KCNIP4: variants seen among roughly 807,000 people sequenced by gnomAD.
The protein encoded by KCNIP4 is potassium voltage-gated channel interacting protein 4, also known as Kv channel-interacting protein 4.
A neutral mutation model predicts 34.0 loss-of-function variants in KCNIP4; 12 were observed. That is an observed-to-expected ratio of 0.35 (90% confidence interval 0.23 to 0.57). KCNIP4 has a LOEUF of 0.57. Among genes scored for constraint, KCNIP4 ranks in the 20% least tolerant of loss-of-function variants. The pLI, the probability that KCNIP4 is intolerant of heterozygous loss-of-function variation, is 0.83. For synonymous variants in KCNIP4, 124 were observed against 102.2 expected, an observed-to-expected ratio of 1.21 and a Z score of -1.29; for missense variants, 238 against 311.7, an observed-to-expected ratio of 0.76 and a Z score of 1.78.
chr4:21,724,477 C>T lies in KCNIP4; in HGVS notation c.61+224094G>A, dbSNP rs75224224. On this transcript the variant is annotated intron_variant, in intron 1 of 8. Transcript: ENST00000382152. ...ATCATCTAGGAATGTAAGTGAGTTACAACACTAAAGTGCAATATTTCTGCA... is the reference window on the plus strand; with the variant it reads ...ATCATCTAGGAATGTAAGTGAGTTATAACACTAAAGTGCAATATTTCTGCA... Among the ~76,000 whole-genome samples, 1,329 of 151,988 alleles carry T rather than the reference C, an allele frequency of 8.7e-3. 19 individuals carry two copies. Among genetic ancestry groups the T allele is most frequent in the South Asian group, 0.039 (187 of 4,812 alleles).
At chr4:21,314,485 T>C (rs1713521884) in intron 1 of KCNIP4, among the ~76,000 whole-genome samples, 1 of 152,224 alleles carries the variant, frequency 6.6e-6, no homozygotes, top group Non-Finnish European at 1.5e-5. Flanking sequence ...GAATTCTGCC[T>C]ACCACAACAG....
intron 1 of KCNIP4, among the ~76,000 whole-genome samples, chr4:21,249,260 C>T (rs1360719748): frequency 6.6e-6 from 1 of 151,884 alleles, no homozygotes; most frequent in Non-Finnish European, 1.5e-5. Context: ...ATATCAAAAA[C>T]AGGCTTGGGT....
At chr4:21,401,175 C>T (rs993953955) in intron 1 of KCNIP4, among the ~76,000 whole-genome samples, 1 of 152,086 alleles carries the variant, frequency 6.6e-6, no homozygotes, top group African/African-American at 2.4e-5. Flanking sequence ...TCCAAGCTTC[C>T]TCACCTACTA....
intron 1 of KCNIP4, among the ~76,000 whole-genome samples, chr4:21,732,619 G>A (rs1239402161): frequency 2.0e-5 from 3 of 152,164 alleles, no homozygotes; most frequent in African/African-American, 7.2e-5. Context: ...CCCAGAGCCT[G>A]CTCCTAATGA....
intron 5 of KCNIP4, 58 bp downstream of exon 5, chr4:20,749,604 C>A: frequency 8.5e-7 from 1 of 1,181,972 alleles, no homozygotes; most frequent in Non-Finnish European, 1.2e-6. Flanking sequence ...TCACATTTTC[C>A]CCCTAAAAAG....
intron 1 of KCNIP4, among the ~76,000 whole-genome samples, chr4:21,548,577 TA>T (rs199828998): frequency 1.3e-3 from 190 of 145,804 alleles, no homozygotes; most frequent in Non-Finnish European, 1.6e-3. Context: ...CTCTGAAGTC[TA>T]AAAAAAAAAA....
At chr4:21,266,898 A>G (rs191244283) in intron 1 of KCNIP4, among the ~76,000 whole-genome samples, 16 of 152,314 alleles carry the variant, frequency 1.1e-4, no homozygotes, top group Admixed American at 9.8e-4. Flanking sequence ...AGGTAAGGAA[A>G]CATCTTAAGA....
chr4:21,536,725 G>T (rs915155267), intron 1 of KCNIP4, among the ~76,000 whole-genome samples: 1 of 151,702 alleles, frequency 6.6e-6, no homozygotes, highest in Non-Finnish European at 1.5e-5. Flanking sequence ...GGGTTGCAGT[G>T]AGCCGAGATC....
intron 1 of KCNIP4, among the ~76,000 whole-genome samples, chr4:21,024,973 GT>G (rs1293169233): frequency 6.6e-6 from 1 of 152,102 alleles, no homozygotes; most frequent in African/African-American, 2.4e-5. Flanking sequence ...TATGTAATAT[GT>G]TTATTTGTTT....
chr4:21,132,247 T>G (rs1187567085), intron 1 of KCNIP4, among the ~76,000 whole-genome samples: 2 of 152,226 alleles, frequency 1.3e-5, no homozygotes, highest in Non-Finnish European at 2.9e-5. Flanking sequence ...TAACTTGTTC[T>G]TCTATCACTT....
chr4:21,736,210 A>T (rs533637442), intron 1 of KCNIP4, among the ~76,000 whole-genome samples: 1 of 152,144 alleles, frequency 6.6e-6, no homozygotes, highest in East Asian at 1.9e-4. Context: ...GTGAAAGGAA[A>T]CCACTGAGAT....
chr4:21,722,678 T>A (rs1463531019), intron 1 of KCNIP4, among the ~76,000 whole-genome samples: 1 of 152,142 alleles, frequency 6.6e-6, no homozygotes, highest in Non-Finnish European at 1.5e-5. Flanking sequence ...CAAGATCATA[T>A]GGTTACTGCC....
intron 5 of KCNIP4, among the ~76,000 whole-genome samples, chr4:20,741,012 G>C (rs1750941679): frequency 6.6e-6 from 1 of 152,164 alleles, no homozygotes; most frequent in African/African-American, 2.4e-5. Context: ...AATTCAACAA[G>C]AAGAGCTAAC....
chr4:21,871,058 C>A (rs1400646747), intron 1 of KCNIP4, among the ~76,000 whole-genome samples: 1 of 151,250 alleles, frequency 6.6e-6, no homozygotes, highest in Non-Finnish European at 1.5e-5. Context: ...TCAGGATCCT[C>A]TGAGTCCAAT....
chr4:20,962,398 G>C (rs1471511727), intron 1 of KCNIP4, among the ~76,000 whole-genome samples: 1 of 152,134 alleles, frequency 6.6e-6, no homozygotes, highest in Non-Finnish European at 1.5e-5. Flanking sequence ...CTCCCACCTG[G>C]CTTCCATCAT....
intron 1 of KCNIP4, among the ~76,000 whole-genome samples, chr4:21,302,630 G>A (rs1349814489): frequency 4.6e-5 from 7 of 152,034 alleles, no homozygotes; most frequent in African/African-American, 1.7e-4. Flanking sequence ...CATCAGAGAG[G>A]GCTACCAAAA....
chr4:21,470,523 T>A (rs907916975), intron 1 of KCNIP4, among the ~76,000 whole-genome samples: 1 of 152,184 alleles, frequency 6.6e-6, no homozygotes, highest in Non-Finnish European at 1.5e-5. Context: ...ACAGGTTGTG[T>A]ACAGTGCAGC....
rs375222959 is a variant in KCNIP4 at position 21,755,321 on chromosome 4, T to G, written c.61+193250A>C. 2.6e-5 allele frequency among the ~76,000 whole-genome samples: 4 copies of G among 152,280 alleles called. No individual in the cohort carries two copies. In the South Asian group the frequency reaches 8.3e-4, roughly 32 times the overall value. On this transcript the variant is annotated intron_variant, in intron 1 of 8. Coordinates refer to ENST00000382152, the MANE Select transcript of KCNIP4 (RefSeq NM_025221.6). ...AGGAAATTAGATAATAAATGTAACG[T>G]TTCTGGCAAAACTTTAAGTTAAATG...
At position 21,827,964 on chromosome 4, in the gene KCNIP4, C is replaced by T. The variant is rs545459104; in HGVS notation, c.61+120607G>A. Among the ~76,000 whole-genome samples the T allele has an allele frequency of 1.5e-3, 228 of 149,456 alleles. 1 individual carries two copies. The highest frequency in any genetic ancestry group is 5.0e-3 in the African/African-American group (205 of 40,794). On this transcript the variant is annotated intron_variant, in intron 1 of 8. Transcript: ENST00000382152. ...CTCATATACAAAATTTTGGGTAAAA[C>T]GAGCCGCTCTAACTTATAAACAGGA... is the stretch of plus-strand genomic sequence containing the variant.
Sources: gnomAD v4.1 joint callset for allele counts (sites outside exome capture counted in the v4.1 genomes callset) on GRCh38, gnomAD v4.1.1 for gene constraint, MANE v1.5 for transcripts, NCBI Gene and HGNC (gene_info 2026-07-23, HGNC 2026-07-21) for gene names.